Variants in SYCE1 observed in about 807,000 individuals in gnomAD.
The protein encoded by SYCE1 is cancer/testis antigen 76.
Under a neutral mutation model 55.1 loss-of-function variants are expected in SYCE1, and 37 were observed. That is an observed-to-expected ratio of 0.67 (90% CI 0.52 to 0.88). The LOEUF is 0.88. Ranked by LOEUF, SYCE1 falls within the 40% of genes least tolerant of loss-of-function variation. SYCE1 has a pLI of 0.00. For synonymous variants in SYCE1, 163 were observed against 159.4 expected (o/e 1.02, Z -0.17); for missense variants, 399 against 416.4 (o/e 0.96, Z 0.36).
chr10:133,558,414 CT>C, intron 4 of SYCE1, 200 bp from the exon 5 acceptor site: 1 of 621,252 alleles, frequency 1.6e-6, no homozygotes, highest in Non-Finnish European at 2.8e-6. Flanking sequence ...CAGAGGGTGG[CT>C]GTGAGGGCCC....
intron 9 of SYCE1, 29 bp from the exon 10 acceptor site, chr10:133,555,932 T>C (rs1851669574): frequency 1.2e-6 from 2 of 1,613,514 alleles, no homozygotes; most frequent in Non-Finnish European, 1.7e-6. Context: ...GGTGAGCACA[T>C]GAAGGCACGT....
chr10:133,562,351 T>C (rs1445177063), intron 1 of SYCE1, among the ~76,000 whole-genome samples: 5 of 151,464 alleles, frequency 3.3e-5, no homozygotes, highest in African/African-American at 1.2e-4. Flanking sequence ...CTTTTTTCTC[T>C]CTCCTAGGAC....
chr10:133,560,109 C>A lies in SYCE1; in HGVS notation c.118G>T (p.Val40Leu). 1 of 1,614,090 alleles carries A rather than the reference C, an allele frequency of 6.2e-7. No homozygotes were observed. The highest frequency in any genetic ancestry group is 8.5e-7 in the Non-Finnish European group (1 of 1,179,978). The change falls in exon 2 of 13, where the codon GTG becomes TTG. Residue 40 changes from valine to leucine, a missense_variant. Coordinates refer to ENST00000343131, the MANE Select transcript of SYCE1 (RefSeq NM_001143764.3). Reference protein sequence around the residue: ...SQKIEDLMEMVQKLQKVGSLE... With the variant: ...SQKIEDLMEMLQKLQKVGSLE... Reference sequence around the variant, plus strand: ...ACACGACCTTTCTGCAGCTTTTGCACCATTTCCATCAAGTCTTCAATTTTC... The same window carrying A: ...ACACGACCTTTCTGCAGCTTTTGCAACATTTCCATCAAGTCTTCAATTTTC...
At chr10:133,564,423 G>T (rs968058177) in intron 1 of SYCE1, 2 of 985,212 alleles carry the variant, frequency 2.0e-6, no homozygotes, top group African/African-American at 3.5e-5. Context: ...GTTATGTGAG[G>T]AACATGGAGC....
At chr10:133,567,257 A>G (rs901719128), upstream of SYCE1, among the ~76,000 whole-genome samples, 4 of 150,324 alleles carry the variant, frequency 2.7e-5, no homozygotes, top group African/African-American at 9.8e-5. Flanking sequence ...GTTCAGGGTC[A>G]AGTTTAGGGT....
At chr10:133,567,428 C>T (rs1040445262), upstream of SYCE1, among the ~76,000 whole-genome samples, 4 of 145,752 alleles carry the variant, frequency 2.7e-5, no homozygotes, top group African/African-American at 5.0e-5. Context: ...TAAGGGTCAG[C>T]GTTAGGGTCA....
At chr10:133,557,820 A>G (rs1280612499) in intron 6 of SYCE1, 44 bp downstream of exon 6, 1 of 1,600,896 alleles carries the variant, frequency 6.2e-7, no homozygotes, top group South Asian at 1.1e-5. Context: ...GCTCTACCAG[A>G]ATAAAGAGGT....
chr10:133,561,031 C>A (rs1387822029), intron 1 of SYCE1: 5 of 152,144 alleles, frequency 3.3e-5, no homozygotes, highest in Non-Finnish European at 5.9e-5. Flanking sequence ...AGTTGTCCCA[C>A]CTTTCCAGAT....
rs894099164 is a variant in SYCE1, at chr10:133,558,008, G to A, written c.320-90C>T. 1.7e-5 allele frequency: 26 copies of A among 1,542,218 alleles called. No homozygotes were observed. The African/African-American group carries it at 2.9e-4, about 17-fold the overall frequency. The stretch of plus-strand genomic sequence containing the variant: ...ACAGCCAGATCATGTCAGGTCTGTG[G>A]ACACCTGATTGAGCTTTAACATTTA... On this transcript the variant is annotated intron_variant, in intron 5 of 12. Transcript: ENST00000343131.
At chr10:133,558,617 A>T in intron 4 of SYCE1, 1 of 543,782 alleles carries the variant, frequency 1.8e-6, no homozygotes, top group Non-Finnish European at 3.3e-6. Flanking sequence ...CTTAGAGCTG[A>T]TGATGTGAGG....
chr10:133,563,995 C>T (rs996005444), intron 1 of SYCE1, among the ~76,000 whole-genome samples: 42 of 149,734 alleles, frequency 2.8e-4, no homozygotes, highest in African/African-American at 1.0e-3. Flanking sequence ...ATCCCTGCTT[C>T]CTTTTTAAAA....
chr10:133,558,121 TG>T (rs1564856620), intron 5 of SYCE1, 45 bp downstream of exon 5: 1 of 1,611,630 alleles, frequency 6.2e-7, no homozygotes, highest in African/African-American at 1.3e-5. Flanking sequence ...TGGGCTTCTG[TG>T]GGTTGGCAAA....
upstream of SYCE1, among the ~76,000 whole-genome samples, chr10:133,566,357 C>G (rs1564860369): frequency 6.6e-6 from 1 of 152,216 alleles, no homozygotes; most frequent in Admixed American, 6.5e-5. Context: ...GCCTCGAATC[C>G]TAACCTATAA....
At chr10:133,562,422 T>C (rs1019457203) in intron 1 of SYCE1, among the ~76,000 whole-genome samples, 3 of 152,088 alleles carry the variant, frequency 2.0e-5, no homozygotes, top group African/African-American at 7.2e-5. Context: ...ATTTTCTTCA[T>C]ATAGTTCTGC....
At chr10:133,558,627 G>GA in intron 4 of SYCE1, 1 of 548,464 alleles carries the variant, frequency 1.8e-6, no homozygotes, top group Non-Finnish European at 3.2e-6. Flanking sequence ...ATGATGTGAG[G>GA]AAAGAGGAAC....
chr10:133,558,040 G>T, intron 5 of SYCE1, 122 bp from the exon 6 acceptor site: 1 of 1,517,646 alleles, frequency 6.6e-7, no homozygotes, highest in Non-Finnish European at 9.1e-7. Flanking sequence ...TTTACTACAT[G>T]TCTGGTGGAA....
chr10:133,555,701 C>T lies in SYCE1; in HGVS notation c.726G>A (p.Leu242=). The T allele has an allele frequency of 6.2e-7, 1 of 1,605,848 alleles. No homozygotes were observed. Among genetic ancestry groups the T allele is most frequent in the Non-Finnish European group, 8.5e-7 (1 of 1,179,948 alleles). The part of the protein sequence containing the change: ...RSQEAAATVQ[L]FQEEHRKAEE... ...CAGCCTTCCTGTGCTCTTCCTGAAA[C>T]AGCTGCCTGGGGGGCCCAGTAGGGG... is the stretch of plus-strand genomic sequence containing the variant. Residue 242 remains leucine, a synonymous_variant, in exon 11 of 13, where the codon CTG becomes CTA. Transcript: ENST00000343131.
downstream of SYCE1, chr10:133,554,690 AG>A (rs1851607920): frequency 5.2e-6 from 4 of 771,384 alleles, no homozygotes. Context: ...CCTGTAATGA[AG>A]GAATTGAAGA....
downstream of SYCE1, chr10:133,554,185 C>T: frequency 2.0e-6 from 2 of 1,004,894 alleles, no homozygotes; most frequent in Non-Finnish European, 3.1e-6. Context: ...GTATGATTAA[C>T]TGCATCTTAG....
Sources: gnomAD v4.1 joint callset for allele counts (sites outside exome capture counted in the v4.1 genomes callset) on GRCh38, gnomAD v4.1.1 for gene constraint, MANE v1.5 for transcripts, NCBI Gene and HGNC (gene_info 2026-07-23, HGNC 2026-07-21) for gene names.